The following MAPK12 variants were observed in gnomAD, a reference collection of about 807,000 sequenced individuals.
The protein encoded by MAPK12 is mitogen-activated protein kinase 12, also known as MAP kinase 12.
In MAPK12, 49 loss-of-function variants were observed where a neutral mutation model predicts 49.1. That is an observed-to-expected ratio of 1.00 (90% confidence interval 0.79 to 1.27). The LOEUF is 1.27. MAPK12 is among the 50% of genes most tolerant of loss of function. The pLI, the probability that MAPK12 is intolerant of heterozygous loss-of-function variation, is 0.00. For synonymous variants in MAPK12, 251 were observed against 209.7 expected, an observed-to-expected ratio of 1.20 and a Z score of -1.70; for missense variants, 554 against 502.4, an observed-to-expected ratio of 1.10 and a Z score of -0.98.
intron 2 of MAPK12, chr22:50,260,691 T>C (rs1601646898): frequency 6.5e-6 from 1 of 152,898 alleles, no homozygotes; most frequent in Non-Finnish European, 1.5e-5. Context: ...GCCCCCCTCC[T>C]CCCCCTCCAC....
At position 50,253,438 on chromosome 22, in the gene MAPK12, T is replaced by C. The variant is rs753955809; in HGVS notation, c.1067A>G (p.Gln356Arg). ...CTCCTTGGAGACCCTGGCCCCCAGC[T>C]GCCGGGGAGGCTTGAAGCTGAGCAC... is the stretch of plus-strand genomic sequence containing the variant. The part of the protein sequence containing the change: ...KEVLSFKPPR[Q>R]LGARVSKETP... Residue 356 changes from glutamine (Q) to arginine (R), a missense_variant, in exon 12 of 12, where the codon CAG (glutamine) becomes CGG (arginine). Coordinates refer to ENST00000215659, the MANE Select transcript of MAPK12 (RefSeq NM_002969.6). 2.3e-6 allele frequency: 3 copies of C among 1,331,268 alleles called. No individual in the cohort carries two copies. The highest frequency in any genetic ancestry group is 2.9e-6 in the Non-Finnish European group (3 of 1,019,530). 82.5% of individuals were successfully genotyped at this position (1,331,268 alleles called of 1,614,324 possible). A position where few individuals can be genotyped will look rare whatever the true frequency, so the allele number is the denominator to read the frequency against.
At position 50,255,510 on chromosome 22, in the gene MAPK12, G is replaced by C. The variant is rs145695654; in HGVS notation, c.793C>G (p.Leu265Val). ...AAATCCTTCTTCTCCAATTCGGGGA[G>C]GCCCTTCATGTAGTTCTTGGCCTGT... The part of the protein sequence containing the change: ...SDEAKNYMKG[L>V]PELEKKDFAS... The change falls in exon 10 of 12, where the codon CTC becomes GTC. Residue 265 changes from leucine to valine, a missense_variant. Leu to Val is a conservative substitution (Grantham distance 32). Coordinates refer to ENST00000215659, the MANE Select transcript of MAPK12 (RefSeq NM_002969.6). 604 of 1,613,196 alleles carry C rather than the reference G, an allele frequency of 3.7e-4. 1 individual carries two copies. In the African/African-American group the frequency reaches 7.3e-3, roughly 20 times the overall value.
intron 6 of MAPK12, 110 bp from the exon 7 acceptor site, chr22:50,256,309 C>A: frequency 1.2e-6 from 1 of 839,336 alleles, no homozygotes; most frequent in Non-Finnish European, 1.9e-6. Flanking sequence ...CAAGCTGGGG[C>A]CTCCTGACAA....
At chr22:50,258,359 C>A (rs984566921) in intron 2 of MAPK12, 58 bp from the exon 3 acceptor site, 62 of 1,429,012 alleles carry the variant, frequency 4.3e-5, no homozygotes, top group Non-Finnish European at 5.6e-5. Flanking sequence ...GGGCACCCCC[C>A]AAGAGTGGCA....
At position 50,258,318 on chromosome 22, in the gene MAPK12, G is replaced by A; in HGVS notation, c.256-17C>T. On this transcript the variant is annotated splice_polypyrimidine_tract_variant and intron_variant, in intron 2 of 11. Transcript: ENST00000215659. ...CCCGATCACCTGGGGGGGCCACATA[G>A]GGTTGAGAATGCAGCAGAGGACACG... The A allele has an allele frequency of 6.2e-7, 1 of 1,611,862 alleles. No individual in the cohort carries two copies. The highest frequency in any genetic ancestry group is 1.1e-5 in the South Asian group (1 of 91,064).
chr22:50,259,500 GA>G (rs2065187323), intron 2 of MAPK12, among the ~76,000 whole-genome samples: 1 of 152,156 alleles, frequency 6.6e-6, no homozygotes, highest in Non-Finnish European at 1.5e-5. Context: ...GGGTTCCAGG[GA>G]AAGAGCCTCA....
intron 3 of MAPK12, among the ~76,000 whole-genome samples, chr22:50,257,403 G>A (rs984853517): frequency 6.6e-6 from 1 of 152,182 alleles, no homozygotes; most frequent in Non-Finnish European, 1.5e-5. Context: ...GTTACTGCCA[G>A]CAGCGCTCAC....
rs143887978 is a variant in MAPK12 at position 50,257,387 on chromosome 22, G to A, written c.315-194C>T. Among the ~76,000 whole-genome samples the A allele has an allele frequency of 4.2e-3, 646 of 152,272 alleles. 1 individual carries two copies. The highest frequency in any genetic ancestry group is 0.015 in the African/African-American group (603 of 41,554). ...TTGCAGTGCCAGGCTCCATCCTCCC[G>A]CAACTGTTACTGCCAGCAGCGCTCA... On this transcript the variant is annotated intron_variant, in intron 3 of 11. Transcript: ENST00000215659.
intron 2 of MAPK12, among the ~76,000 whole-genome samples, chr22:50,260,225 G>T (rs1483069303): frequency 5.8e-5 from 1 of 17,106 alleles, no homozygotes; most frequent in African/African-American, 2.2e-4. Context: ...GGAACCGGGG[G>T]ACGGGGCACT....
rs936141542 is a variant in MAPK12 at position 50,256,764 on chromosome 22, C to T, written c.457-118G>A. 1.8e-5 allele frequency: 28 copies of T among 1,519,658 alleles called. No individual in the cohort carries two copies. The Admixed American group carries it at 5.4e-4, about 29-fold the overall frequency. The allele number at this position is 1,519,658 out of a possible 1,614,324, so 94.1% of individuals were successfully genotyped here. A position where few individuals can be genotyped will look rare whatever the true frequency, so the allele number is the denominator to read the frequency against. On this transcript the variant is annotated intron_variant, in intron 5 of 11. Coordinates refer to ENST00000215659, the MANE Select transcript of MAPK12 (RefSeq NM_002969.6). ...GACCTGGCCCCCTTGCTCTCTGCAG[C>T]CCTTCAAGGGCAGACCAAGGTACCT...
chr22:50,256,775 C>T (rs1337072027), intron 5 of MAPK12, 129 bp from the exon 6 acceptor site: 2 of 1,513,230 alleles, frequency 1.3e-6, no homozygotes, highest in East Asian at 2.3e-5. Flanking sequence ...CCTTCAAGGG[C>T]AGACCAAGGT....
In MAPK12 at chr22:50,256,950, G is replaced by A. The variant is rs144750295; in HGVS notation, c.441C>T (p.Ala147=). 4,230 of 1,606,406 alleles carry A rather than the reference G, an allele frequency of 2.6e-3. 19 individuals are homozygous for A. The highest frequency in any genetic ancestry group is 2.6e-3 in the Non-Finnish European group (3,012 of 1,178,220). ...CGGGACTCACTCTGTGGATGATGCCGGCAGCGTGGATATACTGCGGGGGGC... is the reference window on the plus strand; with the variant it reads ...CGGGACTCACTCTGTGGATGATGCCAGCAGCGTGGATATACTGCGGGGGGC... The part of the protein sequence containing the change: ...MLKGLRYIHA[A]GIIHRDLKPG... The change falls in exon 5 of 12, where the codon GCC becomes GCT. Residue 147 remains alanine (A), a synonymous_variant. Transcript: ENST00000215659.
In MAPK12 at chr22:50,255,368, C is replaced by A. The variant is rs1052023441; in HGVS notation, c.853G>T (p.Val285Leu). 1.2e-6 allele frequency: 2 copies of A among 1,612,958 alleles called. No homozygotes were observed. The highest frequency in any genetic ancestry group is 1.7e-6 in the Non-Finnish European group (2 of 1,179,826). ...ACCAGCATCTTCTCCAGGAGGTTCA[C>A]AGCTGCGGGGGAAGGTGCATCAGGC... ...SILTNASPLAVNLLEKMLVLD... is the reference protein window; with the variant it reads ...SILTNASPLALNLLEKMLVLD... The change falls in exon 11 of 12, where the codon GTG becomes TTG. Residue 285 changes from valine (V) to leucine (L), a missense_variant and splice_region_variant. Coordinates refer to ENST00000215659, the MANE Select transcript of MAPK12 (RefSeq NM_002969.6).
At chr22:50,257,821 G>A in intron 3 of MAPK12, 1 of 718,958 alleles carries the variant, frequency 1.4e-6, no homozygotes, top group Non-Finnish European at 2.6e-6. Context: ...GTCCCAGGGT[G>A]GTCGGCTGCA....
At chr22:50,256,474 G>T in intron 6 of MAPK12, 125 bp downstream of exon 6, 2 of 1,278,180 alleles carry the variant, frequency 1.6e-6, no homozygotes, top group Non-Finnish European at 2.2e-6. Flanking sequence ...CCACCCACCA[G>T]CTCCTCAGCC....
rs1267422978 is a variant in MAPK12, at chr22:50,261,299, G to A, written c.126-3C>T. ...CGGTGCGGCCGTCCACGGCCGAGCT[G>A]CGGGGCGGACCGCTTAGCGGGAAGG... On this transcript the variant is annotated splice_region_variant and splice_polypyrimidine_tract_variant and intron_variant, in intron 1 of 11. Transcript: ENST00000215659. 1 of 1,455,448 alleles carries A rather than the reference G, an allele frequency of 6.9e-7. No individual in the cohort carries two copies. Among genetic ancestry groups the A allele is most frequent in the Non-Finnish European group, 9.1e-7 (1 of 1,095,122 alleles). 90.2% of individuals were successfully genotyped at this position (1,455,448 alleles called of 1,614,324 possible).
rs373173366 is a variant in MAPK12 at position 50,255,149 on chromosome 22, G to A, written c.1024+48C>T. On this transcript the variant is annotated intron_variant, in intron 11 of 11. Coordinates refer to ENST00000215659, the MANE Select transcript of MAPK12 (RefSeq NM_002969.6). Reference sequence around the variant, plus strand: ...CAGGTCCACACAGGCCCTGCCCAGAGCCCCCCACTTGGGTCCACACAGGCC... The same window carrying A: ...CAGGTCCACACAGGCCCTGCCCAGAACCCCCCACTTGGGTCCACACAGGCC... 4.4e-6 allele frequency: 7 copies of A among 1,607,572 alleles called. No homozygotes were observed. The African/African-American group carries it at 8.0e-5, about 18-fold the overall frequency.
In MAPK12 at chr22:50,253,489, GGT is replaced by G; in HGVS notation, c.1025-11_1025-10del. On this transcript the variant is annotated splice_polypyrimidine_tract_variant and intron_variant, in intron 11 of 11. Coordinates refer to ENST00000215659, the MANE Select transcript of MAPK12 (RefSeq NM_002969.6). ...CTCTTTGTAAGTAACACCTGGCGGGGGTGGGGGGGCGGGCACAACAGAGAGGG... is the reference window on the plus strand; with the variant it reads ...CTCTTTGTAAGTAACACCTGGCGGGGGGGGGGGCGGGCACAACAGAGAGGG... The G allele has an allele frequency of 1.4e-6, 1 of 727,622 alleles. No individual in the cohort carries two copies. The highest frequency in any genetic ancestry group is 2.2e-6 in the Non-Finnish European group (1 of 455,912). The allele number at this position is 727,622 out of a possible 1,614,324, so 45.1% of individuals were successfully genotyped here. A position where few individuals can be genotyped will look rare whatever the true frequency, so the allele number is the denominator to read the frequency against.
Position 50,255,808 on chromosome 22 carries a change from AC to A in MAPK12, c.691+1del. 6.2e-7 allele frequency: 1 copy of A among 1,612,656 alleles called. No individual in the cohort carries two copies. The highest frequency in any genetic ancestry group is 1.1e-5 in the South Asian group (1 of 91,086). On this transcript the variant is annotated splice_donor_variant, in intron 8 of 11. Coordinates refer to ENST00000215659, the MANE Select transcript of MAPK12 (RefSeq NM_002969.6). LOFTEE classifies it high-confidence loss of function. ...TGGTGCCGCCCTGCGGCTGGAGGATACGGTCGCTGCCCTTGAACAGCGTCTT... is the reference window on the plus strand; with the variant it reads ...TGGTGCCGCCCTGCGGCTGGAGGATAGGTCGCTGCCCTTGAACAGCGTCTT...
Sources: allele counts gnomAD v4.1 joint callset (sites outside exome capture counted in the v4.1 genomes callset), GRCh38; gene constraint gnomAD v4.1.1; transcripts MANE v1.5; gene names NCBI Gene and HGNC (gene_info 2026-07-23, HGNC 2026-07-21).